Variants in EXOC4 observed in about 807,000 individuals in gnomAD.
EXOC4 encodes the protein SEC8-like 1.
A neutral mutation model predicts 107.2 loss-of-function variants in EXOC4; 71 were observed. The observed-to-expected ratio is 0.66, with a 90% CI of 0.55 to 0.81. The LOEUF is 0.81. Ranked by LOEUF, EXOC4 falls within the 30% of genes least tolerant of loss-of-function variation. The probability of loss-of-function intolerance (pLI) is 0.00; values close to 1 mark genes in which losing one functional copy is unlikely to be tolerated. For synonymous variants in EXOC4, 456 were observed against 441.2 expected, an observed-to-expected ratio of 1.03 and a Z score of -0.42; for missense variants, 1,108 against 1,189.6, an observed-to-expected ratio of 0.93 and a Z score of 1.01.
chr7:134,044,043 G>A (rs1795588393), intron 17 of EXOC4, among the ~76,000 whole-genome samples: 1 of 152,174 alleles, frequency 6.6e-6, no homozygotes, highest in Non-Finnish European at 1.5e-5. Context: ...AGAGTGGGTT[G>A]AACCCTAACT....
At chr7:133,853,690 C>T (rs1343262795) in intron 11 of EXOC4, among the ~76,000 whole-genome samples, 2 of 152,128 alleles carry the variant, frequency 1.3e-5, no homozygotes, top group African/African-American at 4.8e-5. Flanking sequence ...GGGAGACGTC[C>T]TGCTTCAGTG....
intron 11 of EXOC4, among the ~76,000 whole-genome samples, chr7:133,831,472 C>T (rs1199752794): frequency 6.6e-6 from 1 of 151,704 alleles, no homozygotes; most frequent in Non-Finnish European, 1.5e-5. Context: ...TTATAATCCA[C>T]TTTATTTTGC....
At chr7:133,358,343 A>G (rs1259054352) in intron 6 of EXOC4, among the ~76,000 whole-genome samples, 1 of 152,170 alleles carries the variant, frequency 6.6e-6, no homozygotes, top group Non-Finnish European at 1.5e-5. Context: ...CTTGCTTTAG[A>G]TGAGGTTATA....
At chr7:133,546,786 CTTTA>C (rs940448805) in intron 9 of EXOC4, among the ~76,000 whole-genome samples, 6 of 152,076 alleles carry the variant, frequency 3.9e-5, no homozygotes, top group Admixed American at 1.3e-4. Context: ...TGGTATAAAA[CTTTA>C]TTTATTTAAA....
intron 11 of EXOC4, among the ~76,000 whole-genome samples, chr7:133,859,380 G>A (rs1228928170): frequency 1.3e-5 from 2 of 152,154 alleles, no homozygotes; most frequent in Non-Finnish European, 2.9e-5. Context: ...GTTAATTTCT[G>A]TTTCTCAGCA....
At chr7:133,895,559 T>C in intron 11 of EXOC4, 40 bp from the exon 12 acceptor site, 1 of 1,601,192 alleles carries the variant, frequency 6.2e-7, no homozygotes, top group African/African-American at 1.3e-5. Context: ...ACACATTGAC[T>C]ACAGAAATCT....
At chr7:133,620,350 C>G (rs1802301053) in intron 9 of EXOC4, among the ~76,000 whole-genome samples, 1 of 152,044 alleles carries the variant, frequency 6.6e-6, no homozygotes, top group Non-Finnish European at 1.5e-5. Flanking sequence ...CAACTAGTTA[C>G]TTAAAAACAA....
At chr7:133,553,807 G>A (rs1475552252) in intron 9 of EXOC4, among the ~76,000 whole-genome samples, 2 of 152,106 alleles carry the variant, frequency 1.3e-5, no homozygotes, top group Non-Finnish European at 2.9e-5. Flanking sequence ...TTATTTTGCT[G>A]TTGGAGAATT....
At position 133,857,301 on chromosome 7, in the gene EXOC4, GTA is replaced by G. The variant is rs1230563380; in HGVS notation, c.1735-38279_1735-38278del. On this transcript the variant is annotated intron_variant, in intron 11 of 17. Coordinates refer to ENST00000253861, the MANE Select transcript of EXOC4 (RefSeq NM_021807.4). Reference sequence around the variant, plus strand: ...CGTATATATATATATATATATACACGTATATATATATATATATATACACGTAT... The same window carrying G: ...CGTATATATATATATATATATACACGTATATATATATATATATACACGTAT... Among the ~76,000 whole-genome samples, 6 of 3,636 alleles carry G rather than the reference GTA, an allele frequency of 1.7e-3. 2 individuals carry two copies. Among genetic ancestry groups the G allele is most frequent in the Admixed American group, 4.2e-3 (1 of 238 alleles). The allele number at this position is 3,636 out of a possible 152,430, so 2.4% of individuals were successfully genotyped here. A position where few individuals can be genotyped will look rare whatever the true frequency, so the allele number is the denominator to read the frequency against.
chr7:133,278,854 A>G (rs916161716), intron 2 of EXOC4, among the ~76,000 whole-genome samples: 11 of 152,144 alleles, frequency 7.2e-5, no homozygotes, highest in Admixed American at 2.0e-4. Context: ...GTTTTAGGGT[A>G]CATGTGCACA....
intron 10 of EXOC4, among the ~76,000 whole-genome samples, chr7:133,701,704 A>C (rs994153093): frequency 1.3e-5 from 2 of 152,026 alleles, no homozygotes; most frequent in African/African-American, 4.8e-5. Flanking sequence ...TGCATTTCTG[A>C]TTTTTTTCAG....
chr7:133,515,588 C>T (rs999882661), intron 9 of EXOC4, among the ~76,000 whole-genome samples: 1 of 152,096 alleles, frequency 6.6e-6, no homozygotes, highest in African/African-American at 2.4e-5. Context: ...CCCACCTCAG[C>T]CTCCCCATTA....
chr7:133,990,142 A>G (rs1430168151), intron 14 of EXOC4, among the ~76,000 whole-genome samples: 2 of 152,074 alleles, frequency 1.3e-5, no homozygotes, highest in African/African-American at 2.4e-5. Context: ...GAACATCACA[A>G]TTCTCTTCCA....
chr7:133,605,748 G>A (rs746603664), intron 9 of EXOC4, among the ~76,000 whole-genome samples: 65 of 152,124 alleles, frequency 4.3e-4, no homozygotes, highest in Non-Finnish European at 7.3e-4. Flanking sequence ...AGAGAGGTCT[G>A]GGCTGGAGAT....
At chr7:134,027,341 G>A (rs1410908664) in intron 17 of EXOC4, among the ~76,000 whole-genome samples, 1 of 152,094 alleles carries the variant, frequency 6.6e-6, no homozygotes, top group Non-Finnish European at 1.5e-5. Context: ...GAAGGACTGA[G>A]AATATGAGGA....
chr7:133,372,229 G>A (rs1796392539), intron 6 of EXOC4, among the ~76,000 whole-genome samples: 1 of 152,186 alleles, frequency 6.6e-6, no homozygotes, highest in African/African-American at 2.4e-5. Flanking sequence ...TGTCAGAGCT[G>A]TGGGTTTTAT....
chr7:133,311,282 G>A (rs969445710), intron 4 of EXOC4, among the ~76,000 whole-genome samples: 4 of 152,130 alleles, frequency 2.6e-5, no homozygotes, highest in African/African-American at 9.7e-5. Context: ...ATATTGTAAA[G>A]CTGTTTTAGT....
chr7:134,077,149 A>G, the EXOC4 span, among the ~76,000 whole-genome samples: 1 of 152,146 alleles, frequency 6.6e-6, no homozygotes, highest in African/African-American at 2.4e-5. Flanking sequence ...GAGTAGAGCC[A>G]GTGGTGTAAC....
chr7:133,663,840 TG>T, intron 10 of EXOC4, among the ~76,000 whole-genome samples: 1 of 152,312 alleles, frequency 6.6e-6, no homozygotes, highest in South Asian at 2.1e-4. Flanking sequence ...GCTTTTAAAA[TG>T]TAAGTCACAT....
Sources: gnomAD v4.1 joint callset for allele counts (sites outside exome capture counted in the v4.1 genomes callset) on GRCh38, gnomAD v4.1.1 for gene constraint, MANE v1.5 for transcripts, NCBI Gene and HGNC (gene_info 2026-07-23, HGNC 2026-07-21) for gene names.